GPHN: variants seen among roughly 807,000 people sequenced by gnomAD.
GPHN encodes gephyrin.
A neutral mutation model predicts 95.5 loss-of-function variants in GPHN; 17 were observed. The ratio of observed to expected loss-of-function variants is 0.18; its 90% CI spans 0.12 to 0.27. The LOEUF (loss-of-function observed/expected upper bound fraction) is 0.27. Ranked by LOEUF, GPHN falls within the 10% of genes least tolerant of loss-of-function variation. The pLI, the probability that GPHN is intolerant of heterozygous loss-of-function variation, is 1.00. For missense variants in GPHN, 660 were observed against 978.1 expected, an observed-to-expected ratio of 0.67 and a Z score of 4.34; for synonymous variants, 320 against 322.5, an observed-to-expected ratio of 0.99 and a Z score of 0.08.
At chr14:67,435,455 A>T in the GPHN span, among the ~76,000 whole-genome samples, 1 of 152,178 alleles carries the variant, frequency 6.6e-6, no homozygotes, top group East Asian at 1.9e-4. Context: ...TTTGGAGGGG[A>T]CATTCGAACC....
the GPHN span, chr14:67,586,641 T>C: frequency 1.8e-5 from 8 of 436,814 alleles, no homozygotes; most frequent in Non-Finnish European, 2.8e-5. Context: ...AAAGGCTAAG[T>C]TCTGATTTAT....
At chr14:67,538,222 T>G in the GPHN span, among the ~76,000 whole-genome samples, 2 of 152,220 alleles carry the variant, frequency 1.3e-5, no homozygotes, top group Non-Finnish European at 2.9e-5. Context: ...CCTGTTAGTA[T>G]GAGATATCTG....
At chr14:67,421,619 A>T in the GPHN span, among the ~76,000 whole-genome samples, 1 of 152,146 alleles carries the variant, frequency 6.6e-6, no homozygotes, top group Non-Finnish European at 1.5e-5. Context: ...GCCTGTCTGG[A>T]TGGATGAATG....
the GPHN span, among the ~76,000 whole-genome samples, chr14:67,468,074 A>C: frequency 9.9e-5 from 15 of 151,950 alleles, no homozygotes; most frequent in African/African-American, 3.6e-4. Context: ...CCTGGGTTCA[A>C]GCGATTGTCC....
the GPHN span, among the ~76,000 whole-genome samples, chr14:67,486,680 G>A: frequency 6.6e-6 from 1 of 152,148 alleles, no homozygotes; most frequent in African/African-American, 2.4e-5. Context: ...CCATGATTGT[G>A]AGGCTTCCCC....
At chr14:66,747,557 A>G (rs1595769235) in intron 2 of GPHN, among the ~76,000 whole-genome samples, 1 of 152,048 alleles carries the variant, frequency 6.6e-6, no homozygotes, top group South Asian at 2.1e-4. Flanking sequence ...AGATAGGCAG[A>G]GCTCCTTCTC....
intron 8 of GPHN, among the ~76,000 whole-genome samples, chr14:66,963,987 A>G (rs1594649642): frequency 6.6e-6 from 1 of 152,180 alleles, no homozygotes; most frequent in Admixed American, 6.5e-5. Flanking sequence ...TTTTTATCAT[A>G]TGTTTCAAGT....
In GPHN at chr14:66,994,981, A is replaced by G. The variant is rs144233637; in HGVS notation, c.964-28652A>G. 1.4e-3 allele frequency among the ~76,000 whole-genome samples: 212 copies of G among 152,182 alleles called. 4 individuals are homozygous for G. The East Asian group carries it at 0.023, about 16-fold the overall frequency. ...TATTGAGCACCTACTACATTCTGCTATGCTTGGCACTGGAAATACAGTTAA... is the reference window on the plus strand; with the variant it reads ...TATTGAGCACCTACTACATTCTGCTGTGCTTGGCACTGGAAATACAGTTAA... On this transcript the variant is annotated intron_variant, in intron 9 of 22. Coordinates refer to ENST00000478722, the MANE Select transcript of GPHN (RefSeq NM_020806.5).
chr14:67,324,136 AG>A, the GPHN span, among the ~76,000 whole-genome samples: 1 of 152,320 alleles, frequency 6.6e-6, no homozygotes, highest in East Asian at 1.9e-4. Flanking sequence ...CCACATTTTC[AG>A]GGAGCCAAAT....
At chr14:66,688,384 CATGT>C (rs1160825882) in intron 2 of GPHN, among the ~76,000 whole-genome samples, 3 of 152,134 alleles carry the variant, frequency 2.0e-5, no homozygotes, top group Non-Finnish European at 4.4e-5. Context: ...AGTCTGCATG[CATGT>C]AAGTAGACCC....
At chr14:66,556,010 T>TTA (rs2059993995) in intron 1 of GPHN, among the ~76,000 whole-genome samples, 1 of 152,160 alleles carries the variant, frequency 6.6e-6, no homozygotes, top group African/African-American at 2.4e-5. Flanking sequence ...AGGCTATATG[T>TTA]TATAGCCTAT....
chr14:66,763,091 C>CCACAT (rs1236290506), intron 2 of GPHN, among the ~76,000 whole-genome samples: 2 of 152,102 alleles, frequency 1.3e-5, no homozygotes, highest in Admixed American at 6.5e-5. Flanking sequence ...TGTCAGCCGT[C>CCACAT]CACATCTGTG....
At chr14:67,630,453 C>T in the GPHN span, among the ~76,000 whole-genome samples, 1 of 152,188 alleles carries the variant, frequency 6.6e-6, no homozygotes, top group Non-Finnish European at 1.5e-5. Flanking sequence ...AAGAAAGGGG[C>T]AAAGGCAGTT....
intron 10 of GPHN, among the ~76,000 whole-genome samples, chr14:67,025,519 T>G (rs577694041): frequency 6.6e-6 from 1 of 152,312 alleles, no homozygotes; most frequent in South Asian, 2.1e-4. Context: ...ATTTTTGATA[T>G]GAACAAAATT....
At chr14:67,630,662 C>T in the GPHN span, among the ~76,000 whole-genome samples, 1 of 152,182 alleles carries the variant, frequency 6.6e-6, no homozygotes, top group Non-Finnish European at 1.5e-5. Flanking sequence ...TCACTGCAAC[C>T]TCCGCCTCCC....
chr14:67,484,651 TG>T, the GPHN span, among the ~76,000 whole-genome samples: 1 of 152,094 alleles, frequency 6.6e-6, no homozygotes, highest in Non-Finnish European at 1.5e-5. Context: ...AGGCCGGGCA[TG>T]GGGGCTCACA....
chr14:67,733,894 T>C, the GPHN span: 80 of 1,431,544 alleles, frequency 5.6e-5, no homozygotes, highest in Non-Finnish European at 7.9e-6. Flanking sequence ...CATGCCATAA[T>C]GAACAGGGAC....
the GPHN span, chr14:67,225,005 CTT>C: frequency 1.2e-6 from 1 of 857,860 alleles, no homozygotes. Flanking sequence ...AAAATAAGCT[CTT>C]TCTCCTTCTG....
At chr14:67,730,824 G>A in the GPHN span, among the ~76,000 whole-genome samples, 1 of 152,076 alleles carries the variant, frequency 6.6e-6, no homozygotes, top group Admixed American at 6.5e-5. Context: ...GGCTGGTCTT[G>A]AACTCCTGAC....
Sources: allele counts gnomAD v4.1 joint callset (sites outside exome capture counted in the v4.1 genomes callset), GRCh38; gene constraint gnomAD v4.1.1; transcripts MANE v1.5; gene names NCBI Gene and HGNC (gene_info 2026-07-23, HGNC 2026-07-21).